FARS2: variants seen among roughly 807,000 people sequenced by gnomAD.
FARS2 encodes phenylalanyl-tRNA synthetase 2, mitochondrial.
In FARS2, 40 loss-of-function variants were observed where a neutral mutation model predicts 46.4. That is an observed-to-expected ratio of 0.86 (90% CI 0.67 to 1.12). The LOEUF (loss-of-function observed/expected upper bound fraction) is 1.12, where lower values mean the gene tolerates loss of function less well. Among genes scored for constraint, FARS2 ranks in the 50% most tolerant of loss-of-function variants. FARS2 has a pLI of 0.00. For missense variants in FARS2, 513 were observed against 567.9 expected (o/e 0.90, Z 0.98); for synonymous variants, 234 against 214.9 (o/e 1.09, Z -0.78).
chr6:5,391,028 G>A (rs1760474380), intron 2 of FARS2, among the ~76,000 whole-genome samples: 1 of 152,206 alleles, frequency 6.6e-6, no homozygotes. Context: ...TATAACTAGG[G>A]TAAACCGTCA....
rs560458358 is a variant in FARS2, at chr6:5,742,469, C to T, written c.1218-28822C>T. Among the ~76,000 whole-genome samples, 10 of 152,122 alleles carry T rather than the reference C, an allele frequency of 6.6e-5. 1 individual carries two copies. In the South Asian group the frequency reaches 2.1e-3, roughly 32 times the overall value. On this transcript the variant is annotated intron_variant, in intron 6 of 6. Coordinates refer to ENST00000274680, the MANE Select transcript of FARS2 (RefSeq NM_006567.5). ...TTATTAGGCACTCAGTATTTTTTTC[C>T]CCATTATATGTAGTACCTTCTAAGC...
At chr6:5,738,211 A>G (rs1228222731) in intron 6 of FARS2, among the ~76,000 whole-genome samples, 2 of 152,228 alleles carry the variant, frequency 1.3e-5, no homozygotes, top group East Asian at 3.8e-4. Context: ...TTGGCCTCCC[A>G]AAGTGTTGGG....
intron 1 of FARS2, among the ~76,000 whole-genome samples, chr6:5,340,223 G>A (rs1233332182): frequency 6.6e-6 from 1 of 152,194 alleles, no homozygotes; most frequent in Non-Finnish European, 1.5e-5. Context: ...CTAGTCACCT[G>A]TGAGATGTTT....
intron 6 of FARS2, among the ~76,000 whole-genome samples, chr6:5,671,814 G>A (rs867944150): frequency 5.3e-5 from 8 of 152,126 alleles, no homozygotes; most frequent in African/African-American, 1.9e-4. Flanking sequence ...AGGAGAAATC[G>A]CATCAACGCG....
At chr6:5,373,914 GA>G (rs1037532518) in intron 2 of FARS2, among the ~76,000 whole-genome samples, 2 of 134,942 alleles carry the variant, frequency 1.5e-5, no homozygotes, top group Admixed American at 7.3e-5. Flanking sequence ...TATTTTTAAA[GA>G]AAAAAAAACC....
chr6:5,392,565 G>A (rs930000534), intron 2 of FARS2, among the ~76,000 whole-genome samples: 3 of 151,920 alleles, frequency 2.0e-5, no homozygotes, highest in Admixed American at 6.6e-5. Context: ...GTATTATGTA[G>A]TTATTAAAAT....
intron 4 of FARS2, among the ~76,000 whole-genome samples, chr6:5,539,869 G>A (rs999708688): frequency 2.0e-5 from 3 of 152,108 alleles, no homozygotes; most frequent in Admixed American, 6.6e-5. Context: ...TCCCCTCGCC[G>A]TGTTCTGCAG....
At chr6:5,528,890 A>T (rs1175294378) in intron 4 of FARS2, among the ~76,000 whole-genome samples, 2 of 152,218 alleles carry the variant, frequency 1.3e-5, no homozygotes, top group Non-Finnish European at 1.5e-5. Context: ...AATTACCATA[A>T]TAATAATGGA....
chr6:5,650,554 C>T (rs1777302068), intron 6 of FARS2, among the ~76,000 whole-genome samples: 1 of 152,184 alleles, frequency 6.6e-6, no homozygotes, highest in African/African-American at 2.4e-5. Flanking sequence ...GATCTCAGCT[C>T]ACTGCAAGCT....
intron 2 of FARS2, among the ~76,000 whole-genome samples, chr6:5,375,504 C>G: frequency 6.6e-6 from 1 of 151,914 alleles, no homozygotes; most frequent in East Asian, 1.9e-4. Context: ...ATCTACAAAT[C>G]CAGCGCAAAT....
intron 4 of FARS2, among the ~76,000 whole-genome samples, chr6:5,437,926 T>A (rs1365448381): frequency 6.6e-6 from 1 of 152,160 alleles, no homozygotes; most frequent in Admixed American, 6.5e-5. Context: ...TTCCTTAGCA[T>A]TTTTTATAGA....
At chr6:5,760,784 A>C (rs936551780) in intron 6 of FARS2, among the ~76,000 whole-genome samples, 4 of 152,124 alleles carry the variant, frequency 2.6e-5, no homozygotes, top group Admixed American at 6.5e-5. Context: ...GTACCACTTA[A>C]CCATGTGCCA....
chr6:5,486,171 G>T (rs1025516072), intron 4 of FARS2, among the ~76,000 whole-genome samples: 21 of 152,178 alleles, frequency 1.4e-4, no homozygotes, highest in African/African-American at 3.9e-4. Flanking sequence ...TATTAATAGA[G>T]AAACAGATGC....
At chr6:5,535,862 T>G (rs1008210514) in intron 4 of FARS2, among the ~76,000 whole-genome samples, 3 of 152,214 alleles carry the variant, frequency 2.0e-5, no homozygotes, top group Non-Finnish European at 2.9e-5. Flanking sequence ...GAGCCATTCT[T>G]GCTTGCACTC....
At chr6:5,690,837 A>G (rs1046450768) in intron 6 of FARS2, among the ~76,000 whole-genome samples, 4 of 152,202 alleles carry the variant, frequency 2.6e-5, no homozygotes, top group Admixed American at 6.5e-5. Flanking sequence ...AAGTACACCA[A>G]TCAGACATAG....
At chr6:5,666,299 G>A (rs577192139) in intron 6 of FARS2, among the ~76,000 whole-genome samples, 1 of 152,330 alleles carries the variant, frequency 6.6e-6, no homozygotes, top group African/African-American at 2.4e-5. Flanking sequence ...TTTATGTAGT[G>A]TCAGGCACAG....
rs374120685 is a variant in FARS2, at chr6:5,369,062, G to A, written c.492G>A (p.Leu164=). ...CGTCTGCACACCAGTGGGACTTGCT[G>A]CACGCGGGACTGGATGCCTTCCTGG... The part of the protein sequence containing the change: ...AHTSAHQWDL[L]HAGLDAFLVV... The change falls in exon 2 of 7, where the codon CTG becomes CTA. Residue 164 remains leucine, a synonymous_variant. Coordinates refer to ENST00000274680, the MANE Select transcript of FARS2 (RefSeq NM_006567.5). 38 of 1,614,078 alleles carry A rather than the reference G, an allele frequency of 2.4e-5. 1 individual carries two copies. Among genetic ancestry groups the A allele is most frequent in the African/African-American group, 1.2e-4 (9 of 75,030 alleles).
intron 6 of FARS2, chr6:5,695,028 A>C (rs1320063856): frequency 2.0e-5 from 3 of 152,148 alleles, no homozygotes; most frequent in African/African-American, 7.2e-5. Context: ...AAAAACAGAT[A>C]TATATAAATG....
chr6:5,502,820 A>C (rs1275189351), intron 4 of FARS2, among the ~76,000 whole-genome samples: 1 of 152,196 alleles, frequency 6.6e-6, no homozygotes, highest in East Asian at 1.9e-4. Context: ...AGCTTTACAA[A>C]CAGTTAAGTG....
Sources: gnomAD v4.1 joint callset for allele counts (sites outside exome capture counted in the v4.1 genomes callset) on GRCh38, gnomAD v4.1.1 for gene constraint, MANE v1.5 for transcripts, NCBI Gene and HGNC (gene_info 2026-07-23, HGNC 2026-07-21) for gene names.